Variants in ULK4 observed in about 807,000 individuals in gnomAD.
The protein encoded by ULK4 is inactive serine/threonine-protein kinase ULK4.
ULK4 carries 133 observed loss-of-function variants against 160.6 expected under a neutral mutation model. The ratio of observed to expected loss-of-function variants is 0.83; its 90% CI spans 0.72 to 0.96. ULK4 has a LOEUF of 0.96. ULK4 is among the 40% of genes least tolerant of loss of function. The pLI, the probability that ULK4 is intolerant of heterozygous loss-of-function variation, is 0.00. For synonymous variants in ULK4, 534 were observed against 539.8 expected (o/e 0.99, Z 0.15); for missense variants, 1,580 against 1,499.5 (o/e 1.05, Z -0.89).
chr3:41,931,221 T>C (rs1374053242), intron 5 of ULK4, among the ~76,000 whole-genome samples: 1 of 151,994 alleles, frequency 6.6e-6, no homozygotes, highest in Non-Finnish European at 1.5e-5. Context: ...CTCAGCAAAC[T>C]ATCACAAGAA....
intron 34 of ULK4, among the ~76,000 whole-genome samples, chr3:41,454,256 T>G (rs1462961952): frequency 6.8e-6 from 1 of 148,122 alleles, no homozygotes; most frequent in East Asian, 2.0e-4. Flanking sequence ...ATGATAAAAT[T>G]AGGCCAGGCG....
chr3:41,434,731 CTT>C (rs1194753639), intron 34 of ULK4, among the ~76,000 whole-genome samples: 1 of 152,132 alleles, frequency 6.6e-6, no homozygotes, highest in Non-Finnish European at 1.5e-5. Context: ...TTTTCATTTA[CTT>C]TTGGTACCTT....
chr3:41,251,295 T>G (rs1209821332), intron 35 of ULK4, among the ~76,000 whole-genome samples: 1 of 152,250 alleles, frequency 6.6e-6, no homozygotes, highest in Non-Finnish European at 1.5e-5. Flanking sequence ...GCTGTTGTTC[T>G]GTATATAAGG....
intron 32 of ULK4, among the ~76,000 whole-genome samples, chr3:41,470,018 G>GAAAAAAAAAAAAAAAAAAAAAAA (rs71094650): frequency 5.0e-4 from 23 of 45,974 alleles, no homozygotes; most frequent in East Asian, 1.8e-3. Flanking sequence ...AAACAGAACA[G>GAAAAAAAAAAAAAAAAAAAAAAA]AAAAAAAAAA....
chr3:41,837,544 T>C lies in ULK4; in HGVS notation c.1657-1573A>G, dbSNP rs2041794485. ...GCATAATGCATTTGAGATTCATCCA[T>C]GTTGCTGCATATATCAATAACTTTT... On this transcript the variant is annotated intron_variant, in intron 17 of 36. Transcript: ENST00000301831. Among the ~76,000 whole-genome samples, 3 of 151,892 alleles carry C rather than the reference T, an allele frequency of 2.0e-5. No individual in the cohort carries two copies. In the South Asian group the frequency reaches 6.2e-4, roughly 32 times the overall value.
At chr3:41,709,637 G>A (rs1008378504) in intron 25 of ULK4, among the ~76,000 whole-genome samples, 4 of 152,052 alleles carry the variant, frequency 2.6e-5, no homozygotes, top group Non-Finnish European at 4.4e-5. Context: ...TGCCTGCCTC[G>A]GACTCCCAAA....
At chr3:41,670,556 C>A (rs976441400) in intron 29 of ULK4, among the ~76,000 whole-genome samples, 1 of 151,714 alleles carries the variant, frequency 6.6e-6, no homozygotes, top group Admixed American at 6.6e-5. Context: ...TATATACACT[C>A]ATATATATAC....
chr3:41,734,145 A>G (rs577813343), intron 22 of ULK4, among the ~76,000 whole-genome samples: 21 of 152,302 alleles, frequency 1.4e-4, no homozygotes, highest in African/African-American at 4.3e-4. Context: ...CCAGTGTCAG[A>G]GCAAATAAGA....
intron 14 of ULK4, among the ~76,000 whole-genome samples, chr3:41,898,004 C>T: frequency 6.6e-6 from 1 of 152,124 alleles, no homozygotes; most frequent in East Asian, 1.9e-4. Context: ...CCCACACCAC[C>T]TCCACAGTCA....
At chr3:41,772,738 G>A (rs1371730055) in intron 21 of ULK4, among the ~76,000 whole-genome samples, 6 of 152,164 alleles carry the variant, frequency 3.9e-5, no homozygotes, top group Admixed American at 6.5e-5. Flanking sequence ...GCATCATCCT[G>A]ATACCAAAGC....
At chr3:41,561,328 T>C (rs1488869409) in intron 32 of ULK4, among the ~76,000 whole-genome samples, 1 of 152,208 alleles carries the variant, frequency 6.6e-6, no homozygotes, top group Non-Finnish European at 1.5e-5. Context: ...AAATTCTCTT[T>C]TTTGGTTGTG....
At chr3:41,760,736 T>C (rs2038957802) in intron 21 of ULK4, among the ~76,000 whole-genome samples, 1 of 152,220 alleles carries the variant, frequency 6.6e-6, no homozygotes, top group African/African-American at 2.4e-5. Context: ...AGATTTCTCA[T>C]TATTTATATA....
At chr3:41,335,847 GGTGGAAAGGAACAC>G (rs1324166649) in intron 35 of ULK4, among the ~76,000 whole-genome samples, 7 of 152,232 alleles carry the variant, frequency 4.6e-5, no homozygotes, top group Non-Finnish European at 1.0e-4. Context: ...AATATGTAAA[GGTGGAAAGGAACAC>G]GTCAACATCA....
chr3:41,383,169 G>A (rs1470830028), intron 35 of ULK4, among the ~76,000 whole-genome samples: 1 of 151,428 alleles, frequency 6.6e-6, no homozygotes, highest in Non-Finnish European at 1.5e-5. Context: ...CGCAATCTCA[G>A]GTCACTGCAA....
Position 41,455,561 on chromosome 3 carries a change from G to A in ULK4, c.3428C>T (p.Ala1143Val), listed in dbSNP as rs893612270. ...GTTGAGCAGCAGCAGGTCTTCTGCAGCCTGAGGGTCCTCTCCTGAGCCAGA... is the reference window on the plus strand; with the variant it reads ...GTTGAGCAGCAGCAGGTCTTCTGCAACCTGAGGGTCCTCTCCTGAGCCAGA... ...QKSGSGEDPQAAEDLLLLNRP... is the reference protein window; with the variant it reads ...QKSGSGEDPQVAEDLLLLNRP... Residue 1143 changes from alanine to valine, a missense_variant, in exon 34 of 37, where the codon GCT becomes GTT. Transcript: ENST00000301831. The A allele has an allele frequency of 6.2e-7, 1 of 1,614,008 alleles. No individual in the cohort carries two copies. The highest frequency in any genetic ancestry group is 1.7e-4 in the Middle Eastern group (1 of 6,060).
chr3:41,647,660 A>G (rs2034565792), intron 30 of ULK4, among the ~76,000 whole-genome samples: 1 of 152,222 alleles, frequency 6.6e-6, no homozygotes. Flanking sequence ...GACCCACTTG[A>G]GGAGGCAGTC....
intron 35 of ULK4, among the ~76,000 whole-genome samples, chr3:41,305,153 T>G (rs1030251568): frequency 3.3e-5 from 5 of 151,942 alleles, no homozygotes; most frequent in African/African-American, 1.2e-4. Flanking sequence ...AATGGGTTGC[T>G]AACTTGGAAG....
At chr3:41,773,676 C>G (rs558890661) in intron 21 of ULK4, among the ~76,000 whole-genome samples, 89 of 152,182 alleles carry the variant, frequency 5.8e-4, no homozygotes, top group Non-Finnish European at 1.0e-3. Flanking sequence ...AATGCCATAC[C>G]CATCAAGCTA....
chr3:41,515,821 C>T (rs981462874), intron 32 of ULK4, among the ~76,000 whole-genome samples: 2 of 152,002 alleles, frequency 1.3e-5, no homozygotes, highest in Non-Finnish European at 2.9e-5. Flanking sequence ...AAGACAGAGC[C>T]GAATCATATC....
Sources: allele counts gnomAD v4.1 joint callset (sites outside exome capture counted in the v4.1 genomes callset), GRCh38; gene constraint gnomAD v4.1.1; transcripts MANE v1.5; gene names NCBI Gene and HGNC (gene_info 2026-07-23, HGNC 2026-07-21).